NRXN1: variants seen among roughly 807,000 people sequenced by gnomAD.
The protein encoded by NRXN1 is neurexin 1.
Under a neutral mutation model 150.9 loss-of-function variants are expected in NRXN1, and 39 were observed. The ratio of observed to expected loss-of-function variants is 0.26; its 90% CI spans 0.20 to 0.34. The LOEUF (loss-of-function observed/expected upper bound fraction) is 0.34, where lower values mean the gene tolerates loss of function less well. Ranked by LOEUF, NRXN1 falls within the 10% of genes least tolerant of loss-of-function variation. The pLI is 1.00. For synonymous variants in NRXN1, 924 were observed against 757.0 expected (o/e 1.22, Z -3.62); for missense variants, 1,815 against 1,949.9 (o/e 0.93, Z 1.30).
intron 19 of NRXN1, among the ~76,000 whole-genome samples, chr2:50,072,832 T>C (rs888601177): frequency 6.6e-6 from 1 of 152,286 alleles, no homozygotes; most frequent in East Asian, 1.9e-4. Context: ...AGCAAGTGGA[T>C]GACGGCATCA....
intron 2 of NRXN1, among the ~76,000 whole-genome samples, chr2:51,004,281 A>G (rs1326973582): frequency 6.6e-6 from 1 of 151,938 alleles, no homozygotes; most frequent in Admixed American, 6.6e-5. Flanking sequence ...AATAAAGAAA[A>G]TGTGCAGAGC....
intron 18 of NRXN1, among the ~76,000 whole-genome samples, chr2:50,163,953 T>A (rs934587997): frequency 3.3e-5 from 5 of 152,166 alleles, no homozygotes; most frequent in Non-Finnish European, 2.9e-5. Context: ...ATTACTTGCT[T>A]CTTTGGAAAC....
At chr2:50,983,679 A>T (rs1055645443) in intron 2 of NRXN1, among the ~76,000 whole-genome samples, 2 of 152,148 alleles carry the variant, frequency 1.3e-5, no homozygotes, top group African/African-American at 4.8e-5. Flanking sequence ...AATGTTTGTA[A>T]AAGGCAAACG....
chr2:50,989,045 G>T (rs146358977), intron 2 of NRXN1, among the ~76,000 whole-genome samples: 2 of 151,206 alleles, frequency 1.3e-5, no homozygotes, highest in Non-Finnish European at 2.9e-5. Flanking sequence ...AGGAACTTGC[G>T]TCCTGAGAGA....
chr2:50,713,459 C>T (rs1029068579), intron 5 of NRXN1, among the ~76,000 whole-genome samples: 1 of 152,144 alleles, frequency 6.6e-6, no homozygotes, highest in East Asian at 1.9e-4. Flanking sequence ...GAGCCTAGAT[C>T]TGGCAAGTGC....
intron 17 of NRXN1, among the ~76,000 whole-genome samples, chr2:50,456,874 T>A (rs534414572): frequency 6.6e-6 from 1 of 152,248 alleles, no homozygotes; most frequent in Non-Finnish European, 1.5e-5. Flanking sequence ...CCTCAACAAC[T>A]GTATAAAGAA....
intron 5 of NRXN1, among the ~76,000 whole-genome samples, chr2:50,854,971 A>T (rs1445128528): frequency 6.6e-6 from 1 of 151,962 alleles, no homozygotes; most frequent in Non-Finnish European, 1.5e-5. Flanking sequence ...CACTCCAGAT[A>T]TTTGAATTAT....
intron 18 of NRXN1, among the ~76,000 whole-genome samples, chr2:50,231,256 G>T (rs1227200676): frequency 6.6e-6 from 1 of 151,900 alleles, no homozygotes; most frequent in Non-Finnish European, 1.5e-5. Flanking sequence ...GAAATAACTG[G>T]GTTTATCTTG....
chr2:50,298,263 A>C (rs1477291747), intron 17 of NRXN1, among the ~76,000 whole-genome samples: 2 of 152,132 alleles, frequency 1.3e-5, no homozygotes, highest in African/African-American at 2.4e-5. Flanking sequence ...TCAGGAAGGA[A>C]AGGAATAAAA....
At chr2:50,551,050 G>GGAAGAGGAAGAGGAAGAGGAA (rs1335681510) in intron 9 of NRXN1, among the ~76,000 whole-genome samples, 2 of 79,014 alleles carry the variant, frequency 2.5e-5, no homozygotes, top group African/African-American at 7.3e-5. Flanking sequence ...AAGAGGAAGA[G>GGAAGAGGAAGAGGAAGAGGAA]GAAGAAGAAG....
chr2:50,729,376 C>T (rs1032475679), intron 5 of NRXN1, among the ~76,000 whole-genome samples: 2 of 152,120 alleles, frequency 1.3e-5, no homozygotes, highest in African/African-American at 4.8e-5. Flanking sequence ...GCTCATTTTG[C>T]AGATGCAAAG....
Position 50,431,566 on chromosome 2 carries a change from A to G in NRXN1, c.3364+33876T>C, listed in dbSNP as rs534181630. ...TTTTTATTTTTATTTTTTTAAATTTAAAAGTATTTCACATTAAAAAACCAA... is the reference window on the plus strand; with the variant it reads ...TTTTTATTTTTATTTTTTTAAATTTGAAAGTATTTCACATTAAAAAACCAA... On this transcript the variant is annotated intron_variant, in intron 17 of 22. Coordinates refer to ENST00000401669, the MANE Select transcript of NRXN1 (RefSeq NM_001330078.2). Among the ~76,000 whole-genome samples the G allele has an allele frequency of 1.3e-4, 20 of 152,316 alleles. 1 individual carries two copies. The South Asian group carries it at 4.1e-3, about 32-fold the overall frequency.
At chr2:50,259,220 G>C (rs1232689019) in intron 17 of NRXN1, among the ~76,000 whole-genome samples, 2 of 151,834 alleles carry the variant, frequency 1.3e-5, no homozygotes, top group East Asian at 1.9e-4. Context: ...ATATAAAGCT[G>C]TTTTGTCTAC....
intron 17 of NRXN1, among the ~76,000 whole-genome samples, chr2:50,395,195 C>G (rs911809239): frequency 4.0e-5 from 6 of 151,264 alleles, no homozygotes; most frequent in Admixed American, 2.6e-4. Flanking sequence ...TTACACTTGC[C>G]CATAAAGCCT....
chr2:49,939,948 A>G (rs1276940980), intron 22 of NRXN1, among the ~76,000 whole-genome samples: 2 of 152,242 alleles, frequency 1.3e-5, no homozygotes, highest in Admixed American at 6.5e-5. Context: ...GAATGGAACC[A>G]CAGGTAATTC....
chr2:50,905,437 G>A (rs187578248), intron 5 of NRXN1, among the ~76,000 whole-genome samples: 9 of 152,272 alleles, frequency 5.9e-5, no homozygotes, highest in African/African-American at 2.2e-4. Flanking sequence ...GAGAGGCTAT[G>A]TGCTGCCCAG....
chr2:50,859,110 T>G (rs1308722295), intron 5 of NRXN1, among the ~76,000 whole-genome samples: 14 of 152,118 alleles, frequency 9.2e-5, no homozygotes, highest in Admixed American at 9.2e-4. Flanking sequence ...AGAATATTTA[T>G]AAAGTGAAGA....
chr2:50,278,242 A>ATATATATGTATTATATATAT (rs1553368219), intron 17 of NRXN1, among the ~76,000 whole-genome samples: 46,440 of 117,906 alleles, frequency 0.39, 9,757 homozygotes, highest in Middle Eastern at 0.48. Context: ...TATATATATA[A>ATATATATGTATTATATATAT]TATATATATA....
intron 8 of NRXN1, among the ~76,000 whole-genome samples, chr2:50,597,042 G>A (rs906153249): frequency 1.3e-5 from 2 of 151,798 alleles, no homozygotes; most frequent in African/African-American, 2.4e-5. Flanking sequence ...TTGTAGGGAT[G>A]GGGTTTCACC....
Sources: gnomAD v4.1 joint callset for allele counts (sites outside exome capture counted in the v4.1 genomes callset) on GRCh38, gnomAD v4.1.1 for gene constraint, MANE v1.5 for transcripts, NCBI Gene and HGNC (gene_info 2026-07-23, HGNC 2026-07-21) for gene names.